The following JAZF1 variants were observed in gnomAD, a reference collection of about 807,000 sequenced individuals.
The protein encoded by JAZF1 is juxtaposed with another zinc finger protein 1.
A neutral mutation model predicts 26.4 loss-of-function variants in JAZF1; 8 were observed. The ratio of observed to expected loss-of-function variants is 0.30; its 90% CI spans 0.18 to 0.55. The LOEUF is 0.55. Ranked by LOEUF, JAZF1 falls within the 20% of genes least tolerant of loss-of-function variation. The probability of loss-of-function intolerance (pLI) is 0.94; values close to 1 mark genes in which losing one functional copy is unlikely to be tolerated. For synonymous variants in JAZF1, 126 were observed against 122.3 expected, an observed-to-expected ratio of 1.03 and a Z score of -0.20; for missense variants, 199 against 322.0, an observed-to-expected ratio of 0.62 and a Z score of 2.92.
At chr7:27,945,498 C>G (rs1784913325) in intron 2 of JAZF1, among the ~76,000 whole-genome samples, 1 of 152,214 alleles carries the variant, frequency 6.6e-6, no homozygotes, top group Non-Finnish European at 1.5e-5. Context: ...TCCTCCCCTT[C>G]TCTCAAAGTT....
chr7:28,136,632 C>T (rs963148245), intron 1 of JAZF1, among the ~76,000 whole-genome samples: 4 of 152,256 alleles, frequency 2.6e-5, no homozygotes, highest in Non-Finnish European at 5.9e-5. Context: ...ATACACTCAC[C>T]ATTTCCACAC....
chr7:28,110,620 G>GA (rs148543007), intron 1 of JAZF1, among the ~76,000 whole-genome samples: 12,766 of 95,268 alleles, frequency 0.13, 1,150 homozygotes, highest in East Asian at 0.45. Flanking sequence ...AAAGGAAAAG[G>GA]AAAGGAAAGG....
At chr7:27,980,136 A>C (rs2128361914) in intron 2 of JAZF1, among the ~76,000 whole-genome samples, 1 of 152,254 alleles carries the variant, frequency 6.6e-6, no homozygotes, top group South Asian at 2.1e-4. Context: ...TTTAACTCTG[A>C]TATCCCAACA....
chr7:27,844,226 T>C (rs1375617056), intron 3 of JAZF1: 5 of 152,234 alleles, frequency 3.3e-5, no homozygotes, highest in Non-Finnish European at 7.3e-5. Flanking sequence ...TAGTCTCCTT[T>C]CAAACATTTT....
chr7:28,095,544 G>T (rs973965408), intron 1 of JAZF1, among the ~76,000 whole-genome samples: 1 of 152,150 alleles, frequency 6.6e-6, no homozygotes, highest in East Asian at 1.9e-4. Flanking sequence ...CCTTTGACAC[G>T]TGGGGATTAT....
Position 27,840,570 on chromosome 7 carries a change from A to T in JAZF1, c.555+128T>A. 1.0e-6 allele frequency: 1 copy of T among 963,212 alleles called. No homozygotes were observed. The highest frequency in any genetic ancestry group is 1.5e-5 in the South Asian group (1 of 66,404). The allele number at this position is 963,212 out of a possible 1,614,324, so 59.7% of individuals were successfully genotyped here. A position where few individuals can be genotyped will look rare whatever the true frequency, so the allele number is the denominator to read the frequency against. ...CACAGGGGTGAGGCCCACGCACTCTAATGCAGGAGAGGGGAGTGTCTCCCC... is the reference window on the plus strand; with the variant it reads ...CACAGGGGTGAGGCCCACGCACTCTTATGCAGGAGAGGGGAGTGTCTCCCC... On this transcript the variant is annotated intron_variant, in intron 4 of 4. Transcript: ENST00000283928. The surrounding 1 kb of genome is among the most constrained non-coding windows in gnomAD (Gnocchi z 5.1).
At chr7:27,890,337 T>C (rs765703925) in intron 3 of JAZF1, among the ~76,000 whole-genome samples, 19 of 152,192 alleles carry the variant, frequency 1.2e-4, no homozygotes, top group Non-Finnish European at 2.4e-4. Flanking sequence ...AGAGAAACCC[T>C]GGCTGAATGA....
At chr7:27,976,443 C>T (rs1246285739) in intron 2 of JAZF1, among the ~76,000 whole-genome samples, 9 of 151,656 alleles carry the variant, frequency 5.9e-5, no homozygotes, top group African/African-American at 2.2e-4. Context: ...ATCTGGCAGG[C>T]AGCCATCTCA....
At chr7:27,944,848 T>C (rs568207936) in intron 2 of JAZF1, among the ~76,000 whole-genome samples, 1 of 152,230 alleles carries the variant, frequency 6.6e-6, no homozygotes, top group African/African-American at 2.4e-5. Flanking sequence ...CTCACTGGCC[T>C]TCCAAGGGAC....
intron 2 of JAZF1, among the ~76,000 whole-genome samples, chr7:27,905,250 T>C (rs1784232924): frequency 6.6e-6 from 1 of 152,176 alleles, no homozygotes; most frequent in Non-Finnish European, 1.5e-5. Flanking sequence ...AGGCATGAGC[T>C]ACCCACGCCT....
chr7:28,090,267 A>G (rs2127921149), intron 1 of JAZF1, among the ~76,000 whole-genome samples: 1 of 152,358 alleles, frequency 6.6e-6, no homozygotes, highest in Non-Finnish European at 1.5e-5. Flanking sequence ...AACTCAATGA[A>G]CATTAACTGC....
intron 1 of JAZF1, among the ~76,000 whole-genome samples, chr7:28,011,340 T>C (rs1376817998): frequency 6.6e-6 from 1 of 152,246 alleles, no homozygotes; most frequent in Non-Finnish European, 1.5e-5. Context: ...GTTTAAACTT[T>C]TGAGTTTTAG....
chr7:28,044,483 C>A (rs1407522890), intron 1 of JAZF1, among the ~76,000 whole-genome samples: 2 of 152,108 alleles, frequency 1.3e-5, no homozygotes, highest in Non-Finnish European at 2.9e-5. Flanking sequence ...ATGAGTGATC[C>A]CCTTCCTCCC....
intron 3 of JAZF1, among the ~76,000 whole-genome samples, chr7:27,888,834 T>C (rs1026663454): frequency 1.3e-5 from 2 of 152,246 alleles, no homozygotes; most frequent in East Asian, 1.9e-4. Flanking sequence ...ATACTTGAAT[T>C]TTCCCCCCCA....
chr7:28,177,056 T>C lies in JAZF1; in HGVS notation c.115+3407A>G, dbSNP rs563301730. Among the ~76,000 whole-genome samples, 210 of 152,264 alleles carry C rather than the reference T, an allele frequency of 1.4e-3. 4 individuals carry two copies. The highest frequency in any genetic ancestry group is 8.8e-5 in the Non-Finnish European group (6 of 68,018). ...TAACAGACTCAGACCTATGAATGAATTGATAACAAAATTGATGGAAAAGCA... is the reference window on the plus strand; with the variant it reads ...TAACAGACTCAGACCTATGAATGAACTGATAACAAAATTGATGGAAAAGCA... On this transcript the variant is annotated intron_variant, in intron 1 of 4. Transcript: ENST00000283928.
At chr7:27,883,099 T>C (rs1206677604) in intron 3 of JAZF1, among the ~76,000 whole-genome samples, 2 of 152,358 alleles carry the variant, frequency 1.3e-5, no homozygotes, top group South Asian at 2.1e-4. Context: ...TGTTGGCATA[T>C]GAGTGAGCTC....
At chr7:27,936,665 T>C (rs1435955416) in intron 2 of JAZF1, among the ~76,000 whole-genome samples, 2 of 152,210 alleles carry the variant, frequency 1.3e-5, no homozygotes, top group Non-Finnish European at 2.9e-5. Context: ...TTTTGTCCAT[T>C]TGTTTACTTT....
chr7:28,087,475 C>G (rs1040983358), intron 1 of JAZF1, among the ~76,000 whole-genome samples: 1 of 151,924 alleles, frequency 6.6e-6, no homozygotes, highest in Non-Finnish European at 1.5e-5. Flanking sequence ...ATAAAGTTTA[C>G]ATTTACCAAA....
chr7:28,080,601 GTCA>G (rs1230813696), intron 1 of JAZF1, among the ~76,000 whole-genome samples: 1 of 152,114 alleles, frequency 6.6e-6, no homozygotes, highest in Admixed American at 6.5e-5. Context: ...ACACTTACAG[GTCA>G]TCATAAGGTT....
Sources: allele counts gnomAD v4.1 joint callset (sites outside exome capture counted in the v4.1 genomes callset), GRCh38; gene constraint gnomAD v4.1.1; non-coding constraint Gnocchi (gnomAD v3.1); transcripts MANE v1.5; gene names NCBI Gene and HGNC (gene_info 2026-07-23, HGNC 2026-07-21).